The following ANKS1B variants were observed in gnomAD, a reference collection of about 807,000 sequenced individuals.
ANKS1B encodes ankyrin repeat and sterile alpha motif domain-containing protein 1B.
In ANKS1B, 36 loss-of-function variants were observed where a neutral mutation model predicts 148.3. That is an observed-to-expected ratio of 0.24 (90% CI 0.19 to 0.32). ANKS1B has a LOEUF of 0.32. Among genes scored for constraint, ANKS1B ranks in the 10% least tolerant of loss-of-function variants. The pLI is 1.00. For missense variants in ANKS1B, 1,157 were observed against 1,542.6 expected, an observed-to-expected ratio of 0.75 and a Z score of 4.19; for synonymous variants, 542 against 560.8, an observed-to-expected ratio of 0.97 and a Z score of 0.47.
rs192859509 is a variant in ANKS1B, at chr12:99,170,896, C to A, written c.2420-16501G>T. Among the ~76,000 whole-genome samples, 214 of 152,116 alleles carry A rather than the reference C, an allele frequency of 1.4e-3. 2 individuals are homozygous for A. Among genetic ancestry groups the A allele is most frequent in the African/African-American group, 5.0e-3 (208 of 41,486 alleles). On this transcript the variant is annotated intron_variant, in intron 14 of 26. Coordinates refer to ENST00000683438, the MANE Select transcript of ANKS1B (RefSeq NM_001352186.2). ...AAGACAGGATGATTCTTATTTCTAC[C>A]GTAATTAGCAAAAGGGACAATTAGT...
chr12:98,956,869 C>T (rs1287305150), intron 17 of ANKS1B, among the ~76,000 whole-genome samples: 2 of 152,164 alleles, frequency 1.3e-5, no homozygotes, highest in East Asian at 1.9e-4. Flanking sequence ...TTGAATTTAC[C>T]ACCATCTGCT....
rs146335752 is a variant in ANKS1B at position 99,298,257 on chromosome 12, G to A, written c.1757-51393C>T. On this transcript the variant is annotated intron_variant, in intron 12 of 26. Transcript: ENST00000683438. The stretch of plus-strand genomic sequence containing the variant: ...GGCTGTGTCCCCACCCAAATCTCAC[G>A]TTGAATTGTAATAATCCCCACGTGT... Among the ~76,000 whole-genome samples, 31 of 152,250 alleles carry A rather than the reference G, an allele frequency of 2.0e-4. No individual in the cohort carries two copies. The East Asian group carries it at 3.3e-3, about 16-fold the overall frequency.
chr12:98,929,501 G>T (rs2099811894), intron 17 of ANKS1B, among the ~76,000 whole-genome samples: 1 of 152,048 alleles, frequency 6.6e-6, no homozygotes, highest in Non-Finnish European at 1.5e-5. Flanking sequence ...CAAAGATGAA[G>T]AACTCATACT....
intron 9 of ANKS1B, among the ~76,000 whole-genome samples, chr12:99,646,769 T>C (rs959942898): frequency 6.6e-6 from 1 of 151,120 alleles, no homozygotes; most frequent in African/African-American, 2.4e-5. Flanking sequence ...AAAGATATTA[T>C]AATCTTATTG....
intron 8 of ANKS1B, among the ~76,000 whole-genome samples, chr12:99,730,245 A>G (rs2059004353): frequency 6.6e-6 from 1 of 152,172 alleles, no homozygotes; most frequent in Non-Finnish European, 1.5e-5. Context: ...AGCTCTGACC[A>G]CAGATGGGCT....
At chr12:99,678,779 G>A (rs2098596964) in intron 8 of ANKS1B, among the ~76,000 whole-genome samples, 1 of 152,124 alleles carries the variant, frequency 6.6e-6, no homozygotes, top group Non-Finnish European at 1.5e-5. Context: ...TACAGGTGTT[G>A]ACAGATCCCA....
chr12:99,400,158 C>T (rs2094363336), intron 11 of ANKS1B, among the ~76,000 whole-genome samples: 1 of 152,018 alleles, frequency 6.6e-6, no homozygotes, highest in South Asian at 2.1e-4. Context: ...ATTTATTAAG[C>T]ATCTGGCATT....
intron 12 of ANKS1B, among the ~76,000 whole-genome samples, chr12:99,393,885 T>C (rs1347917775): frequency 1.3e-5 from 2 of 152,198 alleles, no homozygotes; most frequent in African/African-American, 4.8e-5. Flanking sequence ...CTTGCATTTA[T>C]ATTTCCTTGC....
At chr12:99,038,323 G>A (rs895457561) in intron 17 of ANKS1B, among the ~76,000 whole-genome samples, 3 of 151,938 alleles carry the variant, frequency 2.0e-5, no homozygotes, top group South Asian at 2.1e-4. Context: ...CATTTCCACC[G>A]ATCCTTAATT....
chr12:99,446,772 T>A (rs1397242782), intron 10 of ANKS1B, among the ~76,000 whole-genome samples: 1 of 151,940 alleles, frequency 6.6e-6, no homozygotes, highest in African/African-American at 2.4e-5. Flanking sequence ...CTATGAAAAA[T>A]AAATAATAAA....
At chr12:99,098,619 CTTTTTTTTTTTTTTTT>C (rs71081896) in intron 15 of ANKS1B, among the ~76,000 whole-genome samples, 86 of 32,110 alleles carry the variant, frequency 2.7e-3, no homozygotes, top group African/African-American at 6.1e-3. Flanking sequence ...CTAGGAACTA[CTTTTTTTTTTTTTTTT>C]TTTTTTTTTT....
chr12:99,737,593 G>A (rs1012942336), intron 8 of ANKS1B, among the ~76,000 whole-genome samples: 3 of 151,920 alleles, frequency 2.0e-5, no homozygotes, highest in Non-Finnish European at 2.9e-5. Flanking sequence ...AGAGGATAAG[G>A]ACAAAATGTA....
intron 12 of ANKS1B, among the ~76,000 whole-genome samples, chr12:99,356,128 A>G (rs2091955396): frequency 6.6e-6 from 1 of 152,118 alleles, no homozygotes; most frequent in African/African-American, 2.4e-5. Flanking sequence ...TATAAGGAAC[A>G]GCCACTACTC....
intron 8 of ANKS1B, among the ~76,000 whole-genome samples, chr12:99,767,052 A>G (rs1426976821): frequency 3.3e-5 from 5 of 152,184 alleles, no homozygotes; most frequent in African/African-American, 1.2e-4. Context: ...TTCCAAAAGT[A>G]GGGACCTCAC....
intron 17 of ANKS1B, among the ~76,000 whole-genome samples, chr12:98,920,670 G>T (rs963100154): frequency 6.6e-6 from 1 of 152,230 alleles, no homozygotes; most frequent in African/African-American, 2.4e-5. Context: ...TTCAAGATGA[G>T]ATTTGGGTGG....
intron 1 of ANKS1B, among the ~76,000 whole-genome samples, chr12:99,897,965 GAGAAATAACAGAAATATTTAGATAGAA>G (rs1275854303): frequency 7.1e-5 from 10 of 141,020 alleles, no homozygotes; most frequent in Non-Finnish European, 9.9e-5. Flanking sequence ...AACTTACACT[GAGAAATAACAGAAATATTTAGATAGAA>G]GTACAATGAT....
intron 8 of ANKS1B, among the ~76,000 whole-genome samples, chr12:99,675,733 TAATAA>T (rs1386979123): frequency 6.6e-6 from 1 of 151,960 alleles, no homozygotes; most frequent in African/African-American, 2.4e-5. Context: ...ATATTATATA[TAATAA>T]AATAAATGTA....
At chr12:99,154,510 T>C in intron 14 of ANKS1B, 115 bp from the exon 15 acceptor site, 1 of 1,605,972 alleles carries the variant, frequency 6.2e-7, no homozygotes, top group Non-Finnish European at 8.5e-7. Flanking sequence ...GGAAAGTTGC[T>C]ATCAAAGGAG....
chr12:99,036,085 G>T (rs960766654), intron 17 of ANKS1B, among the ~76,000 whole-genome samples: 2 of 152,118 alleles, frequency 1.3e-5, no homozygotes, highest in African/African-American at 4.8e-5. Context: ...TTCCCTGGGG[G>T]TGATTTTGAT....
Sources: allele counts gnomAD v4.1 joint callset (sites outside exome capture counted in the v4.1 genomes callset), GRCh38; gene constraint gnomAD v4.1.1; transcripts MANE v1.5; gene names NCBI Gene and HGNC (gene_info 2026-07-23, HGNC 2026-07-21).